Variants in KIF6 observed in about 807,000 individuals in gnomAD.
The protein encoded by KIF6 is kinesin-like protein KIF6.
Under a neutral mutation model 112.7 loss-of-function variants are expected in KIF6, and 106 were observed. That is an observed-to-expected ratio of 0.94 (90% CI 0.80 to 1.11). The LOEUF is 1.11. Among genes scored for constraint, KIF6 ranks in the 50% least tolerant of loss-of-function variants. The probability of loss-of-function intolerance (pLI) is 0.00; values close to 1 mark genes in which losing one functional copy is unlikely to be tolerated. For synonymous variants in KIF6, 339 were observed against 339.9 expected, an observed-to-expected ratio of 1.00 and a Z score of 0.03; for missense variants, 929 against 964.0, an observed-to-expected ratio of 0.96 and a Z score of 0.48.
chr6:39,702,310 A>G lies in KIF6; in HGVS notation c.251+12382T>C, dbSNP rs533534189. On this transcript the variant is annotated intron_variant, in intron 3 of 22. Transcript: ENST00000287152. ...GCCCCAGCTCATTTCTATTTGGGCA[A>G]TGCTTCTAGCCCCTAGATTGACCTC... Among the ~76,000 whole-genome samples the G allele has an allele frequency of 7.2e-5, 11 of 152,280 alleles. No individual in the cohort carries two copies. In the East Asian group the frequency reaches 2.1e-3, roughly 29 times the overall value.
At chr6:39,498,511 TG>T (rs1324845515) in intron 13 of KIF6, among the ~76,000 whole-genome samples, 1 of 152,320 alleles carries the variant, frequency 6.6e-6, no homozygotes, top group Admixed American at 6.5e-5. Context: ...AAACTTTTTT[TG>T]TGAAGGGCAG....
chr6:39,577,265 T>C (rs372414466), intron 10 of KIF6, among the ~76,000 whole-genome samples: 6 of 152,244 alleles, frequency 3.9e-5, no homozygotes, highest in African/African-American at 1.2e-4. Flanking sequence ...TATGAAATAG[T>C]TTAAAGACAA....
chr6:39,613,819 T>C (rs1013984578), intron 5 of KIF6, among the ~76,000 whole-genome samples: 9 of 152,202 alleles, frequency 5.9e-5, no homozygotes, highest in Non-Finnish European at 1.3e-4. Context: ...CTAGGAGTTA[T>C]TCCCCTATTG....
intron 21 of KIF6, 139 bp downstream of exon 21, chr6:39,345,561 G>A (rs1024225681): frequency 3.2e-6 from 2 of 615,594 alleles, no homozygotes; most frequent in Non-Finnish European, 5.6e-6. Flanking sequence ...ATTCCCAGGG[G>A]ACCAGGGCAG....
chr6:39,539,720 G>A (rs1778676886), intron 13 of KIF6, among the ~76,000 whole-genome samples: 1 of 152,110 alleles, frequency 6.6e-6, no homozygotes, highest in African/African-American at 2.4e-5. Context: ...CATCATATCA[G>A]CAATATCTGA....
At chr6:39,624,559 A>G (rs1049084278) in intron 5 of KIF6, among the ~76,000 whole-genome samples, 5 of 152,336 alleles carry the variant, frequency 3.3e-5, no homozygotes, top group East Asian at 3.9e-4. Context: ...TCATAATGCA[A>G]TCGTGGAGAC....
At chr6:39,493,028 T>C (rs1207475986) in intron 13 of KIF6, among the ~76,000 whole-genome samples, 1 of 152,202 alleles carries the variant, frequency 6.6e-6, no homozygotes, top group Non-Finnish European at 1.5e-5. Flanking sequence ...GAAGCTTGTG[T>C]TTGCCCAGCA....
chr6:39,567,929 T>A (rs1241306986), intron 10 of KIF6, among the ~76,000 whole-genome samples: 1 of 152,152 alleles, frequency 6.6e-6, no homozygotes, highest in Non-Finnish European at 1.5e-5. Context: ...GTGATTTCTA[T>A]CAACAGAGGC....
chr6:39,673,362 G>T (rs989019032), intron 3 of KIF6, among the ~76,000 whole-genome samples: 34 of 152,248 alleles, frequency 2.2e-4, no homozygotes, highest in African/African-American at 7.5e-4. Flanking sequence ...CTAGATAGAT[G>T]CCCCTCCAAA....
chr6:39,443,841 T>C (rs551639762), intron 13 of KIF6, among the ~76,000 whole-genome samples: 4 of 152,308 alleles, frequency 2.6e-5, no homozygotes, highest in Non-Finnish European at 5.9e-5. Flanking sequence ...TTAAGTAAAA[T>C]TCTGTTTCCT....
chr6:39,385,546 G>T, intron 16 of KIF6, 76 bp downstream of exon 16: 2 of 1,217,958 alleles, frequency 1.6e-6, no homozygotes, highest in Non-Finnish European at 2.4e-6. Flanking sequence ...TTATCTTTTA[G>T]CTGGGTTTGG....
At chr6:39,431,360 A>T in intron 13 of KIF6, 199 bp from the exon 14 acceptor site, 1 of 510,248 alleles carries the variant, frequency 2.0e-6, no homozygotes. Flanking sequence ...CACCCGCTGC[A>T]CCCCTCAGGA....
At chr6:39,570,996 T>C (rs943481781) in intron 10 of KIF6, among the ~76,000 whole-genome samples, 2 of 152,194 alleles carry the variant, frequency 1.3e-5, no homozygotes, top group African/African-American at 4.8e-5. Context: ...CTCAGTATTA[T>C]ATCAACTCAC....
intron 10 of KIF6, among the ~76,000 whole-genome samples, chr6:39,575,706 G>C (rs113886613): frequency 2.0e-5 from 3 of 152,124 alleles, no homozygotes; most frequent in African/African-American, 7.2e-5. Context: ...CACTGCAGAG[G>C]AGGAGGGCTC....
intron 4 of KIF6, among the ~76,000 whole-genome samples, chr6:39,638,269 A>G (rs977455389): frequency 6.6e-6 from 1 of 152,070 alleles, no homozygotes; most frequent in Non-Finnish European, 1.5e-5. Flanking sequence ...AATCCATAAG[A>G]CTGAGGCATT....
intron 19 of KIF6, among the ~76,000 whole-genome samples, chr6:39,355,646 G>A (rs1764613990): frequency 1.3e-5 from 2 of 151,780 alleles, no homozygotes; most frequent in South Asian, 4.2e-4. Context: ...ATTTTTAGTA[G>A]AGATGGGGTT....
At chr6:39,679,396 G>T (rs548164216) in intron 3 of KIF6, among the ~76,000 whole-genome samples, 1 of 152,224 alleles carries the variant, frequency 6.6e-6, no homozygotes, top group African/African-American at 2.4e-5. Context: ...GAAATGGAAC[G>T]GTGGGGGACA....
intron 10 of KIF6, among the ~76,000 whole-genome samples, chr6:39,553,530 T>C (rs1002034725): frequency 2.6e-5 from 4 of 152,176 alleles, no homozygotes; most frequent in African/African-American, 9.7e-5. Flanking sequence ...GGTACTTCTG[T>C]TTACAGAATT....
intron 15 of KIF6, among the ~76,000 whole-genome samples, chr6:39,401,048 G>A (rs1157089621): frequency 1.3e-5 from 2 of 152,252 alleles, no homozygotes; most frequent in African/African-American, 2.4e-5. Flanking sequence ...AATCACCAAT[G>A]ATGATAATAC....
Sources: allele counts gnomAD v4.1 joint callset (sites outside exome capture counted in the v4.1 genomes callset), GRCh38; gene constraint gnomAD v4.1.1; transcripts MANE v1.5; gene names NCBI Gene and HGNC (gene_info 2026-07-23, HGNC 2026-07-21).